ACER2: variants seen among roughly 807,000 people sequenced by gnomAD.
ACER2 encodes the protein alkCDase 2.
ACER2 carries 26 observed loss-of-function variants against 34.7 expected under a neutral mutation model. That is an observed-to-expected ratio of 0.75 (90% CI 0.55 to 1.04). The LOEUF is 1.04. Ranked by LOEUF, ACER2 falls within the 50% of genes least tolerant of loss-of-function variation. The pLI, the probability that ACER2 is intolerant of heterozygous loss-of-function variation, is 0.00. For synonymous variants in ACER2, 138 were observed against 132.1 expected, an observed-to-expected ratio of 1.04 and a Z score of -0.31; for missense variants, 352 against 340.8, an observed-to-expected ratio of 1.03 and a Z score of -0.26.
chr9:19,427,767 C>T lies in ACER2; in HGVS notation c.365+2926C>T, dbSNP rs563215199. On this transcript the variant is annotated intron_variant, in intron 3 of 5. Coordinates refer to ENST00000340967, the MANE Select transcript of ACER2 (RefSeq NM_001010887.3). ...CTGCAAGCTCCACTTCCTATGTTCA[C>T]GCCATTCTCCTGCCTCAGCCTCCCG... Among the ~76,000 whole-genome samples the T allele has an allele frequency of 7.4e-4, 112 of 151,964 alleles. 1 individual carries two copies. The South Asian group carries it at 8.1e-3, about 11-fold the overall frequency.
intron 2 of ACER2, 38 bp downstream of exon 2, chr9:19,424,014 T>C: frequency 6.8e-7 from 1 of 1,467,496 alleles, no homozygotes. Context: ...CTTAATGGGG[T>C]GGTGGGATGG....
intron 3 of ACER2, among the ~76,000 whole-genome samples, chr9:19,425,205 C>G (rs906464688): frequency 2.0e-5 from 3 of 152,224 alleles, no homozygotes; most frequent in Admixed American, 2.0e-4. Flanking sequence ...TAATCCAACT[C>G]CACCAGTTTT....
chr9:19,421,292 A>T (rs2383092), intron 1 of ACER2, among the ~76,000 whole-genome samples: 1 of 152,220 alleles, frequency 6.6e-6, no homozygotes, highest in African/African-American at 2.4e-5. Flanking sequence ...AAGTTTTAAC[A>T]TATGAATTTT....
chr9:19,412,243 T>C (rs899495223), intron 1 of ACER2, among the ~76,000 whole-genome samples: 5 of 152,200 alleles, frequency 3.3e-5, no homozygotes, highest in African/African-American at 1.2e-4. Context: ...AAAAGTAATA[T>C]GATCATGGTA....
rs1589052753 is a variant in ACER2 at position 19,433,490 on chromosome 9, G to A, written c.366-1457G>A. 5.9e-5 allele frequency among the ~76,000 whole-genome samples: 9 copies of A among 152,048 alleles called. 2 individuals carry two copies. Among genetic ancestry groups the A allele is most frequent in the Admixed American group, 5.9e-4 (9 of 15,272 alleles). ...TTGGGGGTAAGGTCACAGATCAACA[G>A]GATCCCAAGGCAGAAGAATTTTTCT... On this transcript the variant is annotated intron_variant, in intron 3 of 5. Transcript: ENST00000340967.
At chr9:19,439,192 C>T (rs2132514951) in intron 4 of ACER2, among the ~76,000 whole-genome samples, 1 of 152,340 alleles carries the variant, frequency 6.6e-6, no homozygotes, top group South Asian at 2.1e-4. Flanking sequence ...TGGTCTTCAT[C>T]ATCACATTAA....
chr9:19,423,777 C>A, intron 1 of ACER2, 85 bp from the exon 2 acceptor site: 1 of 975,088 alleles, frequency 1.0e-6, no homozygotes, highest in Non-Finnish European at 1.6e-6. Context: ...TCCCAGTTTG[C>A]AAGGACATAC....
At chr9:19,434,914 C>A in intron 3 of ACER2, 33 bp from the exon 4 acceptor site, 2 of 1,611,494 alleles carry the variant, frequency 1.2e-6, no homozygotes, top group Non-Finnish European at 1.7e-6. Context: ...AACTCCTTTT[C>A]TAATGGATTT....
chr9:19,427,910 C>G (rs922905024), intron 3 of ACER2, among the ~76,000 whole-genome samples: 1 of 152,080 alleles, frequency 6.6e-6, no homozygotes, highest in South Asian at 2.1e-4. Flanking sequence ...TTGTGATCTG[C>G]CCACATTGGC....
intron 1 of ACER2, among the ~76,000 whole-genome samples, chr9:19,422,893 G>T (rs919806278): frequency 6.6e-6 from 1 of 151,920 alleles, no homozygotes; most frequent in Non-Finnish European, 1.5e-5. Flanking sequence ...TTAGCTGGGT[G>T]TGGTGGTGAG....
chr9:19,412,656 C>CAAAA (rs59209941), intron 1 of ACER2, among the ~76,000 whole-genome samples: 1 of 91,846 alleles, frequency 1.1e-5, no homozygotes, highest in Admixed American at 1.2e-4. Flanking sequence ...GATTCTGTCT[C>CAAAA]AAAAAAAAAA....
intron 5 of ACER2, 58 bp downstream of exon 5, chr9:19,446,476 G>C: frequency 1.2e-6 from 2 of 1,609,852 alleles, no homozygotes; most frequent in South Asian, 2.2e-5. Flanking sequence ...CTTGCTGTTG[G>C]GCTCTGTTCA....
chr9:19,424,560 C>G, intron 2 of ACER2, 140 bp from the exon 3 acceptor site: 1 of 1,477,702 alleles, frequency 6.8e-7, no homozygotes, highest in South Asian at 1.5e-5. Context: ...GTGTGAGTTT[C>G]TTTCTTCAGT....
At chr9:19,414,702 C>T (rs547905566) in intron 1 of ACER2, among the ~76,000 whole-genome samples, 1 of 152,212 alleles carries the variant, frequency 6.6e-6, no homozygotes, top group Non-Finnish European at 1.5e-5. Flanking sequence ...ACTCAGGAGG[C>T]TGAGATCAAG....
intron 4 of ACER2, among the ~76,000 whole-genome samples, chr9:19,437,723 TC>T (rs1831021461): frequency 6.6e-6 from 1 of 152,128 alleles, no homozygotes; most frequent in Non-Finnish European, 1.5e-5. Flanking sequence ...AAATGCCCTT[TC>T]CTACTACTAC....
At chr9:19,430,500 C>G (rs1000040527) in intron 3 of ACER2, among the ~76,000 whole-genome samples, 14 of 152,250 alleles carry the variant, frequency 9.2e-5, no homozygotes, top group Non-Finnish European at 2.1e-4. Context: ...TCTGTTGACT[C>G]TGGGGTCTGC....
chr9:19,421,175 G>A (rs574857717), intron 1 of ACER2, among the ~76,000 whole-genome samples: 2 of 152,204 alleles, frequency 1.3e-5, no homozygotes, highest in Non-Finnish European at 2.9e-5. Context: ...CAGGAAAAAT[G>A]TGGCATAAAA....
In ACER2 at chr9:19,419,462, G is replaced by A. The variant is rs1441908290; in HGVS notation, c.109-4400G>A. On this transcript the variant is annotated intron_variant, in intron 1 of 5. Coordinates refer to ENST00000340967, the MANE Select transcript of ACER2 (RefSeq NM_001010887.3). ...CTATGTGGGAAGGAGAGAAAGATCC[G>A]CAACAAAGTGAACCAACTAAAGGCT... Among the ~76,000 whole-genome samples the A allele has an allele frequency of 2.6e-5, 4 of 152,230 alleles. No individual in the cohort carries two copies. The East Asian group carries it at 5.8e-4, about 22-fold the overall frequency.
chr9:19,448,054 T>A (rs1831428382), intron 5 of ACER2, among the ~76,000 whole-genome samples: 1 of 135,428 alleles, frequency 7.4e-6, no homozygotes, highest in Non-Finnish European at 1.5e-5. Flanking sequence ...TTGCCCAGGC[T>A]GGAGTGCAGT....
Sources: gnomAD v4.1 joint callset for allele counts (sites outside exome capture counted in the v4.1 genomes callset) on GRCh38, gnomAD v4.1.1 for gene constraint, MANE v1.5 for transcripts, NCBI Gene and HGNC (gene_info 2026-07-23, HGNC 2026-07-21) for gene names.